The following BTD variants were observed in gnomAD, a reference collection of about 807,000 sequenced individuals.
BTD encodes biocytinase.
Under a neutral mutation model 17.7 loss-of-function variants are expected in BTD, and 13 were observed. That is an observed-to-expected ratio of 0.74 (90% CI 0.48 to 1.17). The LOEUF (loss-of-function observed/expected upper bound fraction) is 1.17. Among genes scored for constraint, BTD ranks in the 50% most tolerant of loss-of-function variants. The pLI is 0.00. For synonymous variants in BTD, 240 were observed against 245.2 expected (o/e 0.98, Z 0.20); for missense variants, 674 against 650.4 (o/e 1.04, Z -0.39).
intron 2 of BTD, among the ~76,000 whole-genome samples, chr3:15,640,881 A>G (rs1445825266): frequency 1.3e-5 from 2 of 152,188 alleles, no homozygotes; most frequent in Admixed American, 1.3e-4. Context: ...CTACAGTAAA[A>G]CTTTTGAAGC....
At chr3:15,670,638 C>T in intron 3 of BTD, 2 of 1,301,034 alleles carry the variant, frequency 1.5e-6, no homozygotes, top group Non-Finnish European at 2.1e-6. Flanking sequence ...TAAAGTACTT[C>T]AACTTTAGAC....
chr3:15,655,556 T>C (rs1274125299), downstream of BTD, among the ~76,000 whole-genome samples: 4 of 152,216 alleles, frequency 2.6e-5, no homozygotes, highest in Non-Finnish European at 5.9e-5. Flanking sequence ...AGATTTTGAA[T>C]GCGCTGGCTT....
chr3:15,695,807 C>T lies in BTD; in HGVS notation c.400-14253C>T, dbSNP rs57075436. ...GGGGGAGATATTCCTTTCACAGGGA[C>T]TTTTATTTCTCACAAAAGACACAGT... On this transcript the variant is annotated intron_variant, in intron 3 of 3. Transcript: ENST00000672141. Among the ~76,000 whole-genome samples, 598 of 152,132 alleles carry T rather than the reference C, an allele frequency of 3.9e-3. 8 individuals carry two copies. Among genetic ancestry groups the T allele is most frequent in the African/African-American group, 0.013 (548 of 41,524 alleles).
rs900641976 is a variant in BTD, at chr3:15,622,134, T to G, written c.-16-13290T>G. Among the ~76,000 whole-genome samples, 8 of 152,274 alleles carry G rather than the reference T, an allele frequency of 5.3e-5. No individual in the cohort carries two copies. In the East Asian group the frequency reaches 5.8e-4, roughly 11 times the overall value. On this transcript the variant is annotated intron_variant, in intron 1 of 3. Coordinates refer to ENST00000643237, the MANE Select transcript of BTD (RefSeq NM_001370658.1). ...ATTTAGTTTCATTTTTCTCTATTGA[T>G]CTCCTGCTTTACATTTCATTGATTT...
chr3:15,655,807 T>C (rs946911954), downstream of BTD, among the ~76,000 whole-genome samples: 41 of 152,334 alleles, frequency 2.7e-4, no homozygotes, highest in African/African-American at 8.7e-4. Flanking sequence ...TTGTTTTTAC[T>C]TTGTTTTGTT....
chr3:15,676,728 A>G (rs976531641), intron 3 of BTD: 7 of 334,542 alleles, frequency 2.1e-5, no homozygotes, highest in Admixed American at 1.8e-4. Context: ...AAAATTAGGT[A>G]GGTGGATTAA....
intron 3 of BTD, among the ~76,000 whole-genome samples, chr3:15,659,128 G>A (rs2065898850): frequency 6.6e-6 from 1 of 152,196 alleles, no homozygotes; most frequent in Admixed American, 6.5e-5. Flanking sequence ...TATAAAGGTT[G>A]AGGGCATCTC....
In BTD at chr3:15,652,539, C is replaced by T. The variant is rs918694031; in HGVS notation, c.*7051C>T. Reference sequence around the variant, plus strand: ...TCCAGATGACCACTGCCCTGGGAAACGACTGCAACCTCATGAGAGACCCTG... The same window carrying T: ...TCCAGATGACCACTGCCCTGGGAAATGACTGCAACCTCATGAGAGACCCTG... On this transcript the variant is annotated 3_prime_UTR_variant, in exon 4 of 4. Coordinates refer to ENST00000643237, the MANE Select transcript of BTD (RefSeq NM_001370658.1). Among the ~76,000 whole-genome samples, 7 of 152,312 alleles carry T rather than the reference C, an allele frequency of 4.6e-5. No homozygotes were observed. The East Asian group carries it at 7.7e-4, about 17-fold the overall frequency.
At chr3:15,627,424 C>T (rs887378422) in intron 1 of BTD, among the ~76,000 whole-genome samples, 2 of 152,124 alleles carry the variant, frequency 1.3e-5, no homozygotes, top group Non-Finnish European at 2.9e-5. Flanking sequence ...GACAGTGTTT[C>T]TCCATGTTGC....
At chr3:15,687,710 T>C (rs2068300478) in intron 3 of BTD, among the ~76,000 whole-genome samples, 1 of 152,048 alleles carries the variant, frequency 6.6e-6, no homozygotes. Flanking sequence ...CCTACCCTAG[T>C]CCAATCTGTA....
Position 15,645,485 on chromosome 3 carries a change from C to G in BTD, c.1569C>G (p.Asp523Glu), listed in dbSNP as rs146136265. ...TCTATGGGCGCTTGTATGAGAGGGA[C>G]TAGGAAAAGTGTGTGGTCTGTGGGG... is the stretch of plus-strand genomic sequence containing the variant. ...AALYGRLYER[D>E] is the part of the protein sequence containing the mutation. The change falls in exon 4 of 4, where the codon GAC (aspartate) becomes GAG (glutamate). Residue 523 changes from aspartate to glutamate, a missense_variant. Asp to Glu is a conservative substitution (Grantham distance 45). Coordinates refer to ENST00000643237, the MANE Select transcript of BTD (RefSeq NM_001370658.1). 6.2e-7 allele frequency: 1 copy of G among 1,605,134 alleles called. No homozygotes were observed. Among genetic ancestry groups the G allele is most frequent in the Non-Finnish European group, 8.5e-7 (1 of 1,179,958 alleles).
chr3:15,671,589 G>T (rs6776710), intron 3 of BTD, among the ~76,000 whole-genome samples: 8,028 of 133,464 alleles, frequency 0.06, 796 homozygotes, highest in African/African-American at 0.21. Context: ...TTTTTTTTTT[G>T]TTTTTTTTTT....
rs539009714 is a variant in BTD at position 15,648,115 on chromosome 3, G to A, written c.*2627G>A. On this transcript the variant is annotated 3_prime_UTR_variant, in exon 4 of 4. Coordinates refer to ENST00000643237, the MANE Select transcript of BTD (RefSeq NM_001370658.1). ...CCCAAGGCCAGCCAATCAGAGCACT[G>A]GCTAGTAGCCCAGGAGGTGTCCCTG... Among the ~76,000 whole-genome samples the A allele has an allele frequency of 6.6e-6, 1 of 152,280 alleles. No homozygotes were observed. The highest frequency in any genetic ancestry group is 2.4e-5 in the African/African-American group (1 of 41,544).
intron 3 of BTD, chr3:15,667,132 C>T (rs1244410687): frequency 1.3e-5 from 2 of 152,040 alleles, no homozygotes; most frequent in African/African-American, 4.8e-5. Context: ...AACAACTTTG[C>T]TAAAAAGTCA....
At chr3:15,694,050 G>C (rs1038167518) in intron 3 of BTD, among the ~76,000 whole-genome samples, 5 of 151,980 alleles carry the variant, frequency 3.3e-5, no homozygotes, top group Non-Finnish European at 5.9e-5. Context: ...GATTCTCAAA[G>C]TACCCCCTTC....
chr3:15,629,214 G>A (rs976245390), intron 1 of BTD, among the ~76,000 whole-genome samples: 3 of 151,952 alleles, frequency 2.0e-5, no homozygotes, highest in African/African-American at 7.2e-5. Flanking sequence ...ATAGGAGTCA[G>A]AATATAGGAT....
chr3:15,626,613 C>T (rs543725521), intron 1 of BTD, among the ~76,000 whole-genome samples: 82 of 151,858 alleles, frequency 5.4e-4, no homozygotes, highest in Admixed American at 2.6e-3. Flanking sequence ...CCCATCTCTA[C>T]AAAAAATTAA....
At chr3:15,644,244 C>T (rs2065624205) in intron 3 of BTD, 72 bp from the exon 4 acceptor site, 3 of 1,490,934 alleles carry the variant, frequency 2.0e-6, no homozygotes, top group African/African-American at 1.4e-5. Flanking sequence ...TCATGATCCA[C>T]CCGCCTCAGC....
At chr3:15,713,531 C>A, downstream of BTD, 1 of 1,609,978 alleles carries the variant, frequency 6.2e-7, no homozygotes, top group Non-Finnish European at 8.5e-7. Context: ...ACTTACTTTG[C>A]AGTGTCAGCA....
Sources: allele counts gnomAD v4.1 joint callset (sites outside exome capture counted in the v4.1 genomes callset), GRCh38; gene constraint gnomAD v4.1.1; transcripts MANE v1.5; gene names NCBI Gene and HGNC (gene_info 2026-07-23, HGNC 2026-07-21).